The following RANBP17 variants were observed in gnomAD, a reference collection of about 807,000 sequenced individuals.
The protein encoded by RANBP17 is RAN binding protein 17.
Under a neutral mutation model 141.2 loss-of-function variants are expected in RANBP17, and 158 were observed. That is an observed-to-expected ratio of 1.12 (90% CI 0.98 to 1.28). The LOEUF is 1.28. Ranked by LOEUF, RANBP17 falls within the 50% of genes most tolerant of loss-of-function variation. The pLI is 0.00. For missense variants in RANBP17, 1,438 were observed against 1,290.7 expected (o/e 1.11, Z -1.75); for synonymous variants, 430 against 450.0 (o/e 0.96, Z 0.56).
chr5:171,267,157 C>T (rs892473237), intron 25 of RANBP17, among the ~76,000 whole-genome samples: 2 of 150,192 alleles, frequency 1.3e-5, no homozygotes, highest in African/African-American at 4.9e-5. Context: ...CAGCCTCTTC[C>T]TGAGTAGCTG....
chr5:171,168,280 G>A (rs1759840065), intron 14 of RANBP17, among the ~76,000 whole-genome samples: 1 of 152,136 alleles, frequency 6.6e-6, no homozygotes, highest in South Asian at 2.1e-4. Context: ...GAATGAGTAT[G>A]AGGGGAAAAA....
chr5:170,930,683 A>G (rs1199439762), intron 12 of RANBP17, among the ~76,000 whole-genome samples: 1 of 152,014 alleles, frequency 6.6e-6, no homozygotes, highest in Non-Finnish European at 1.5e-5. Flanking sequence ...TCCTTGGGAT[A>G]GTTTGCTCAG....
intron 14 of RANBP17, among the ~76,000 whole-genome samples, chr5:171,120,556 G>C (rs779989962): frequency 6.6e-6 from 1 of 152,128 alleles, no homozygotes; most frequent in Non-Finnish European, 1.5e-5. Context: ...GCTGTAGTCT[G>C]TTCTTTTTAT....
At position 170,981,389 on chromosome 5, in the gene RANBP17, C is replaced by T. The variant is rs373041468; in HGVS notation, c.1710+13012C>T. On this transcript the variant is annotated intron_variant, in intron 14 of 27. Transcript: ENST00000523189. ...GAATGATAGGGTTTGGCTGTGTCCC[C>T]ACCCAAATCTCATCTTGAATTCTCG... Among the ~76,000 whole-genome samples the T allele has an allele frequency of 3.9e-4, 59 of 152,214 alleles. 1 individual carries two copies. In the South Asian group the frequency reaches 0.012, roughly 31 times the overall value.
At chr5:170,862,151 G>A (rs1362721742) in intron 1 of RANBP17, 100 bp downstream of exon 1, 4 of 1,230,070 alleles carry the variant, frequency 3.3e-6, no homozygotes, top group African/African-American at 3.2e-5. Flanking sequence ...GGAGGCCGCA[G>A]GGCCGTGGGC....
At chr5:170,922,761 C>A (rs565818860) in intron 11 of RANBP17, among the ~76,000 whole-genome samples, 1 of 152,226 alleles carries the variant, frequency 6.6e-6, no homozygotes, top group East Asian at 1.9e-4. Flanking sequence ...AATCCCCTGA[C>A]CCCTTGCGCT....
chr5:170,915,559 G>A (rs1441691237), intron 8 of RANBP17, among the ~76,000 whole-genome samples: 1 of 152,018 alleles, frequency 6.6e-6, no homozygotes, highest in Non-Finnish European at 1.5e-5. Context: ...AGGTTCTCAT[G>A]GTAGGGGCTG....
At chr5:171,113,192 A>G (rs1209479360) in intron 14 of RANBP17, among the ~76,000 whole-genome samples, 3 of 152,322 alleles carry the variant, frequency 2.0e-5, no homozygotes, top group Non-Finnish European at 2.9e-5. Context: ...CTGTCACATC[A>G]TCTGCCCTTC....
At chr5:170,931,432 T>C (rs1435855396) in intron 12 of RANBP17, among the ~76,000 whole-genome samples, 1 of 152,224 alleles carries the variant, frequency 6.6e-6, no homozygotes, top group Non-Finnish European at 1.5e-5. Context: ...TTTGTCAATT[T>C]TGTCTTTTGT....
rs533875226 is a variant in RANBP17 at position 171,169,236 on chromosome 5, G to C, written c.1711-894G>C. Among the ~76,000 whole-genome samples the C allele has an allele frequency of 7.2e-5, 11 of 152,224 alleles. No individual in the cohort carries two copies. The South Asian group carries it at 1.5e-3, about 20-fold the overall frequency. On this transcript the variant is annotated intron_variant, in intron 14 of 27. Coordinates refer to ENST00000523189, the MANE Select transcript of RANBP17 (RefSeq NM_022897.5). ...CTATGTTGCTGTACATAAGAAATAGGCAGATTAGGAGAAAGTGAGAGAACA... is the reference window on the plus strand; with the variant it reads ...CTATGTTGCTGTACATAAGAAATAGCCAGATTAGGAGAAAGTGAGAGAACA...
chr5:170,915,773 G>A (rs1771900790), intron 8 of RANBP17, among the ~76,000 whole-genome samples: 2 of 151,598 alleles, frequency 1.3e-5, no homozygotes, highest in South Asian at 2.1e-4. Context: ...AGGATACCAC[G>A]GTACATAATG....
intron 20 of RANBP17, 115 bp from the exon 21 acceptor site, chr5:171,213,516 G>C (rs1763033275): frequency 1.4e-6 from 1 of 732,726 alleles, no homozygotes; most frequent in Non-Finnish European, 2.4e-6. Flanking sequence ...GAACAAATTA[G>C]TATAAATATA....
chr5:170,914,099 T>C, intron 7 of RANBP17, 68 bp from the exon 8 acceptor site: 2 of 1,038,810 alleles, frequency 1.9e-6, no homozygotes, highest in Non-Finnish European at 3.0e-6. Flanking sequence ...GTTTGTGTGA[T>C]ATTGTCTTAC....
At chr5:170,961,464 G>A (rs1382938581) in intron 13 of RANBP17, among the ~76,000 whole-genome samples, 1 of 152,112 alleles carries the variant, frequency 6.6e-6, no homozygotes, top group Non-Finnish European at 1.5e-5. Flanking sequence ...AATAATACAT[G>A]TAGGACAATA....
chr5:171,050,110 T>C (rs1182190481), intron 14 of RANBP17, among the ~76,000 whole-genome samples: 1 of 152,216 alleles, frequency 6.6e-6, no homozygotes, highest in Non-Finnish European at 1.5e-5. Context: ...CATGGAATGT[T>C]TTTCCTTTGT....
chr5:171,088,449 G>T (rs1785882990), intron 14 of RANBP17, among the ~76,000 whole-genome samples: 1 of 152,130 alleles, frequency 6.6e-6, no homozygotes, highest in African/African-American at 2.4e-5. Flanking sequence ...TCTTGGAGTT[G>T]CTCTTCTCGA....
intron 24 of RANBP17, chr5:171,251,880 A>G (rs1015187064): frequency 6.7e-7 from 1 of 1,486,322 alleles, no homozygotes; most frequent in Non-Finnish European, 9.4e-7. Context: ...CTTCGGCATT[A>G]GAGAAGGAGA....
rs10552356 is a variant in RANBP17 at position 170,955,495 on chromosome 5, G to GTA, written c.1574+1805_1574+1806dup. Among the ~76,000 whole-genome samples the GTA allele has an allele frequency of 1.1e-4, 14 of 128,224 alleles. 1 individual carries two copies. The highest frequency in any genetic ancestry group is 2.1e-4 in the Non-Finnish European group (13 of 62,058). The allele number at this position is 128,224 out of a possible 152,430, so 84.1% of individuals were successfully genotyped here. A position where few individuals can be genotyped will look rare whatever the true frequency, so the allele number is the denominator to read the frequency against. ...ATATATATATATATATGCTCAGTGT[G>GTA]TATATATATATATGTATATATATGC... is the stretch of plus-strand genomic sequence containing the variant. On this transcript the variant is annotated intron_variant, in intron 13 of 27. Coordinates refer to ENST00000523189, the MANE Select transcript of RANBP17 (RefSeq NM_022897.5).
At chr5:170,972,548 A>G (rs1016626352) in intron 14 of RANBP17, among the ~76,000 whole-genome samples, 19 of 152,046 alleles carry the variant, frequency 1.2e-4, no homozygotes, top group African/African-American at 4.6e-4. Flanking sequence ...AGTTCTAATT[A>G]TTTTAATTAT....
Sources: gnomAD v4.1 joint callset for allele counts (sites outside exome capture counted in the v4.1 genomes callset) on GRCh38, gnomAD v4.1.1 for gene constraint, MANE v1.5 for transcripts, NCBI Gene and HGNC (gene_info 2026-07-23, HGNC 2026-07-21) for gene names.